FSTL4: variants seen among roughly 807,000 people sequenced by gnomAD.
The protein encoded by FSTL4 is follistatin-related protein 4.
A neutral mutation model predicts 78.2 loss-of-function variants in FSTL4; 28 were observed. The observed-to-expected ratio is 0.36, with a 90% CI of 0.27 to 0.49. The LOEUF (loss-of-function observed/expected upper bound fraction) is 0.49. Among genes scored for constraint, FSTL4 ranks in the 20% least tolerant of loss-of-function variants. The pLI, the probability that FSTL4 is intolerant of heterozygous loss-of-function variation, is 0.98. For synonymous variants in FSTL4, 422 were observed against 440.5 expected (o/e 0.96, Z 0.53); for missense variants, 922 against 1,084.9 (o/e 0.85, Z 2.11).
chr5:133,494,770 G>C (rs527726926), intron 3 of FSTL4, among the ~76,000 whole-genome samples: 1 of 152,358 alleles, frequency 6.6e-6, no homozygotes, highest in Non-Finnish European at 1.5e-5. Flanking sequence ...AAGAGGGCCT[G>C]TGGCCCGGGT....
upstream of FSTL4, among the ~76,000 whole-genome samples, chr5:133,613,160 A>G (rs561214361): frequency 4.5e-4 from 68 of 152,186 alleles, no homozygotes; most frequent in Admixed American, 1.1e-3. Context: ...TCCCATCCCC[A>G]AGCCTGGGGC....
intron 3 of FSTL4, among the ~76,000 whole-genome samples, chr5:133,466,623 A>T (rs965656672): frequency 1.3e-5 from 2 of 152,210 alleles, no homozygotes; most frequent in Non-Finnish European, 2.9e-5. Context: ...TCTACCATGT[A>T]TCCGGTCAAC....
intron 6 of FSTL4, among the ~76,000 whole-genome samples, chr5:133,250,543 T>C (rs1313211496): frequency 6.6e-6 from 1 of 152,230 alleles, no homozygotes; most frequent in Non-Finnish European, 1.5e-5. Context: ...TATTGGGACC[T>C]GGGGGACCCC....
the FSTL4 span, among the ~76,000 whole-genome samples, chr5:133,838,951 T>C: frequency 6.6e-6 from 1 of 152,114 alleles, no homozygotes. Flanking sequence ...ATCTGGAAAA[T>C]ACAACTGCCA....
At chr5:133,365,483 A>T (rs1755164825) in intron 4 of FSTL4, among the ~76,000 whole-genome samples, 1 of 152,152 alleles carries the variant, frequency 6.6e-6, no homozygotes, top group African/African-American at 2.4e-5. Context: ...AGCGGCCACC[A>T]GGGGACAGCA....
chr5:133,211,468 C>T (rs142695420), intron 13 of FSTL4, among the ~76,000 whole-genome samples: 2 of 152,240 alleles, frequency 1.3e-5, no homozygotes, highest in East Asian at 3.9e-4. Context: ...CCACCTCAGC[C>T]ACCTTATACT....
Position 133,592,843 on chromosome 5 carries a change from T to C in FSTL4, c.126+11015A>G, listed in dbSNP as rs561550037. Reference sequence around the variant, plus strand: ...CTGAGGTCTCACCAGAAGCAGATTCTGGGGCCATGCTTCTTGTACAGCCTG... The same window carrying C: ...CTGAGGTCTCACCAGAAGCAGATTCCGGGGCCATGCTTCTTGTACAGCCTG... On this transcript the variant is annotated intron_variant, in intron 2 of 15. Coordinates refer to ENST00000265342, the MANE Select transcript of FSTL4 (RefSeq NM_015082.2). Among the ~76,000 whole-genome samples the C allele has an allele frequency of 2.6e-5, 4 of 152,282 alleles. No individual in the cohort carries two copies. In the South Asian group the frequency reaches 8.3e-4, roughly 32 times the overall value.
chr5:133,363,137 T>G (rs570630510), intron 4 of FSTL4, among the ~76,000 whole-genome samples: 2 of 152,282 alleles, frequency 1.3e-5, no homozygotes, highest in Admixed American at 6.5e-5. Context: ...TTACCCTTCT[T>G]TATTTTCTCT....
chr5:133,482,605 A>G (rs2112859713), intron 3 of FSTL4, among the ~76,000 whole-genome samples: 1 of 152,330 alleles, frequency 6.6e-6, no homozygotes, highest in East Asian at 1.9e-4. Flanking sequence ...TCACAGCTCC[A>G]CAGCAGAAAC....
rs1318108171 is a variant in FSTL4 at position 133,603,996 on chromosome 5, GT to G, written c.-10-4del. ...CTCCTGGTTTCATTTTGATGAGTCT[GT>G]TGAAGAAATGACAAATGCTGAGAAT... On this transcript the variant is annotated splice_polypyrimidine_tract_variant and splice_region_variant and intron_variant, in intron 1 of 15. Coordinates refer to ENST00000265342, the MANE Select transcript of FSTL4 (RefSeq NM_015082.2). 1 of 1,601,926 alleles carries G rather than the reference GT, an allele frequency of 6.2e-7. No individual in the cohort carries two copies. The highest frequency in any genetic ancestry group is 8.6e-7 in the Non-Finnish European group (1 of 1,169,080).
chr5:133,431,116 G>T (rs1335779501), intron 3 of FSTL4, among the ~76,000 whole-genome samples: 2 of 152,080 alleles, frequency 1.3e-5, no homozygotes, highest in Admixed American at 1.3e-4. Context: ...GGGCCCCCAG[G>T]CCCCCATTCC....
At chr5:133,481,347 C>A (rs1482448063) in intron 3 of FSTL4, among the ~76,000 whole-genome samples, 2 of 151,956 alleles carry the variant, frequency 1.3e-5, no homozygotes, top group Admixed American at 1.3e-4. Context: ...TTGAGACCAG[C>A]CTGGCCAACA....
intron 2 of FSTL4, among the ~76,000 whole-genome samples, chr5:133,589,407 TCACA>T (rs1323219428): frequency 6.6e-6 from 1 of 151,446 alleles, no homozygotes; most frequent in African/African-American, 2.4e-5. Flanking sequence ...CCACCAAATA[TCACA>T]CACTTAGTCC....
chr5:133,289,584 G>A (rs1753210551), intron 6 of FSTL4, among the ~76,000 whole-genome samples: 1 of 152,212 alleles, frequency 6.6e-6, no homozygotes, highest in Non-Finnish European at 1.5e-5. Context: ...CAGGATCCAT[G>A]CTGAAGGAAA....
At chr5:133,339,552 G>A (rs1204619423) in intron 4 of FSTL4, among the ~76,000 whole-genome samples, 2 of 152,088 alleles carry the variant, frequency 1.3e-5, no homozygotes, top group Non-Finnish European at 2.9e-5. Context: ...GAGCCAATGG[G>A]GGTCCTGGCA....
At chr5:133,681,616 G>C in the FSTL4 span, among the ~76,000 whole-genome samples, 1 of 152,174 alleles carries the variant, frequency 6.6e-6, no homozygotes, top group Non-Finnish European at 1.5e-5. Context: ...TGATGTACTT[G>C]ACTTGCATGT....
Position 133,516,240 on chromosome 5 carries a change from T to C in FSTL4, c.160+50946A>G, listed in dbSNP as rs528522592. Among the ~76,000 whole-genome samples, 4 of 152,010 alleles carry C rather than the reference T, an allele frequency of 2.6e-5. No individual in the cohort carries two copies. The East Asian group carries it at 5.8e-4, about 22-fold the overall frequency. On this transcript the variant is annotated intron_variant, in intron 3 of 15. Transcript: ENST00000265342. ...CCTGCAGTTAGACAAGAATACAAGA[T>C]AATAGTCAAAAAACATTGAAAAGAA... is the stretch of plus-strand genomic sequence containing the variant.
intron 6 of FSTL4, among the ~76,000 whole-genome samples, chr5:133,297,796 T>G (rs1753435967): frequency 6.6e-6 from 1 of 152,204 alleles, no homozygotes; most frequent in Admixed American, 6.5e-5. Context: ...CCTCCTGGAC[T>G]CTGCTGGGTA....
chr5:133,711,052 G>C, the FSTL4 span, among the ~76,000 whole-genome samples: 4 of 152,302 alleles, frequency 2.6e-5, no homozygotes, highest in African/African-American at 9.6e-5. Context: ...TCCAGATTCT[G>C]GTTGGATGTG....
Sources: allele counts gnomAD v4.1 joint callset (sites outside exome capture counted in the v4.1 genomes callset), GRCh38; gene constraint gnomAD v4.1.1; transcripts MANE v1.5; gene names NCBI Gene and HGNC (gene_info 2026-07-23, HGNC 2026-07-21).